Variants in CDH18 observed in about 807,000 individuals in gnomAD.
CDH18 encodes cadherin-18.
CDH18 carries 31 observed loss-of-function variants against 67.9 expected under a neutral mutation model. The ratio of observed to expected loss-of-function variants is 0.46; its 90% CI spans 0.34 to 0.62. The LOEUF (loss-of-function observed/expected upper bound fraction) is 0.62. CDH18 is among the 20% of genes least tolerant of loss of function. The pLI, the probability that CDH18 is intolerant of heterozygous loss-of-function variation, is 0.01. For synonymous variants in CDH18, 362 were observed against 347.2 expected, an observed-to-expected ratio of 1.04 and a Z score of -0.48; for missense variants, 890 against 975.5, an observed-to-expected ratio of 0.91 and a Z score of 1.17.
chr5:20,247,015 T>C (rs2973200), intron 2 of CDH18, among the ~76,000 whole-genome samples: 106,589 of 152,058 alleles, frequency 0.7, 38,028 homozygotes, highest in African/African-American at 0.85. Flanking sequence ...ACCCCTGATA[T>C]CCTTCTTTCT....
chr5:20,432,277 C>T (rs1044326942), intron 1 of CDH18, among the ~76,000 whole-genome samples: 7 of 152,010 alleles, frequency 4.6e-5, no homozygotes, highest in South Asian at 4.1e-4. Flanking sequence ...TATTATTTTC[C>T]GCTGTTCAAT....
At chr5:19,483,715 G>T (rs1739889790) in intron 11 of CDH18, among the ~76,000 whole-genome samples, 163 bp from the exon 12 acceptor site, 2 of 152,112 alleles carry the variant, frequency 1.3e-5, no homozygotes, top group South Asian at 2.1e-4. Flanking sequence ...GCTAATATTG[G>T]TTCTCCAACT....
At chr5:19,626,920 A>G (rs1009062220) in intron 5 of CDH18, among the ~76,000 whole-genome samples, 7 of 152,192 alleles carry the variant, frequency 4.6e-5, no homozygotes, top group African/African-American at 1.7e-4. Context: ...ATTAAACATT[A>G]AATTATATAA....
intron 3 of CDH18, among the ~76,000 whole-genome samples, chr5:19,813,720 C>T (rs769778934): frequency 1.3e-5 from 2 of 152,194 alleles, no homozygotes; most frequent in South Asian, 2.1e-4. Context: ...TATTTAAACA[C>T]ATTTGAATTG....
intron 3 of CDH18, among the ~76,000 whole-genome samples, chr5:19,787,916 G>T (rs1225791886): frequency 6.6e-6 from 1 of 151,382 alleles, no homozygotes; most frequent in African/African-American, 2.4e-5. Flanking sequence ...AAGTATATCA[G>T]ATAAGTAATA....
chr5:19,917,895 C>T (rs551322751), intron 2 of CDH18, among the ~76,000 whole-genome samples: 7 of 152,188 alleles, frequency 4.6e-5, no homozygotes, highest in African/African-American at 7.2e-5. Flanking sequence ...TATACCTCTA[C>T]GACAGATAAG....
chr5:20,509,230 C>T (rs1305122570), intron 1 of CDH18, among the ~76,000 whole-genome samples: 1 of 152,116 alleles, frequency 6.6e-6, no homozygotes, highest in African/African-American at 2.4e-5. Flanking sequence ...CTTTGTCCAA[C>T]ATTTCTTCAA....
chr5:20,198,134 G>A (rs144367435), intron 2 of CDH18, among the ~76,000 whole-genome samples: 1,688 of 152,244 alleles, frequency 0.011, 31 homozygotes, highest in African/African-American at 0.038. Flanking sequence ...CAGTGTGAGA[G>A]TGACTAATAC....
chr5:20,148,113 A>G (rs1158201943), intron 2 of CDH18, among the ~76,000 whole-genome samples: 1 of 149,582 alleles, frequency 6.7e-6, no homozygotes, highest in Non-Finnish European at 1.5e-5. Flanking sequence ...TTTTTTTGAG[A>G]CAGAGTCTCG....
At chr5:20,163,957 T>C (rs1216439820) in intron 2 of CDH18, among the ~76,000 whole-genome samples, 1 of 152,152 alleles carries the variant, frequency 6.6e-6, no homozygotes, top group African/African-American at 2.4e-5. Context: ...TCACTGAAGA[T>C]TGTAAAAAAT....
chr5:20,510,337 G>T (rs1197694701), intron 1 of CDH18, among the ~76,000 whole-genome samples: 2 of 152,082 alleles, frequency 1.3e-5, no homozygotes, highest in African/African-American at 4.8e-5. Context: ...TTTCTAGTCT[G>T]TGAGGCGCCC....
chr5:19,863,555 C>T (rs1047429525), intron 2 of CDH18, among the ~76,000 whole-genome samples: 4 of 152,174 alleles, frequency 2.6e-5, no homozygotes, highest in Non-Finnish European at 4.4e-5. Context: ...TCCTCCTCCC[C>T]ATGACACCGT....
chr5:19,639,626 A>G (rs1052295562), intron 5 of CDH18, among the ~76,000 whole-genome samples: 1 of 152,176 alleles, frequency 6.6e-6, no homozygotes, highest in Non-Finnish European at 1.5e-5. Flanking sequence ...TGCACCTAAA[A>G]TACTGGTGCC....
rs552707471 is a variant in CDH18 at position 20,421,691 on chromosome 5, T to C, written c.-580+153771A>G. 3.4e-4 allele frequency among the ~76,000 whole-genome samples: 52 copies of C among 151,084 alleles called. 4 individuals carry two copies. Among genetic ancestry groups the C allele is most frequent in the African/African-American group, 1.2e-3 (49 of 40,518 alleles). ...TGAAGGATTTCACAGGTAAGTATCT[T>C]TATTAAAAAAGTAAAACTTGAATGT... is the stretch of plus-strand genomic sequence containing the variant. On this transcript the variant is annotated intron_variant, in intron 1 of 14. Coordinates refer to the CDH18 transcript ENST00000507958.
intron 1 of CDH18, among the ~76,000 whole-genome samples, chr5:20,281,468 C>G (rs1339501736): frequency 1.3e-5 from 2 of 152,074 alleles, no homozygotes; most frequent in South Asian, 2.1e-4. Flanking sequence ...ATAGGGAATC[C>G]TTTCCCTATT....
chr5:19,481,336 C>A (rs1739386693), intron 12 of CDH18, among the ~76,000 whole-genome samples: 1 of 152,154 alleles, frequency 6.6e-6, no homozygotes, highest in African/African-American at 2.4e-5. Flanking sequence ...TGAGGCCATT[C>A]TAACTCATGC....
chr5:20,259,458 T>G (rs1326942793), intron 1 of CDH18, among the ~76,000 whole-genome samples: 1 of 152,104 alleles, frequency 6.6e-6, no homozygotes, highest in African/African-American at 2.4e-5. Flanking sequence ...CAACTCTTCC[T>G]TTTCCTCCTC....
chr5:20,066,671 C>CT (rs1041968760), intron 2 of CDH18, among the ~76,000 whole-genome samples: 1 of 151,534 alleles, frequency 6.6e-6, no homozygotes, highest in Non-Finnish European at 1.5e-5. Flanking sequence ...ATTTTTCATA[C>CT]TTTTTTTCTT....
At chr5:20,554,404 A>G (rs930308034) in intron 1 of CDH18, among the ~76,000 whole-genome samples, 1 of 152,340 alleles carries the variant, frequency 6.6e-6, no homozygotes, top group African/African-American at 2.4e-5. Flanking sequence ...TTCAATATTT[A>G]TGAATGGAAT....
Sources: gnomAD v4.1 joint callset for allele counts (sites outside exome capture counted in the v4.1 genomes callset) on GRCh38, gnomAD v4.1.1 for gene constraint, MANE v1.5 for transcripts, NCBI Gene and HGNC (gene_info 2026-07-23, HGNC 2026-07-21) for gene names.